WDR44: variants seen among roughly 807,000 people sequenced by gnomAD.
WDR44 encodes WD repeat-containing protein 44.
In WDR44, 9 loss-of-function variants were observed where a neutral mutation model predicts 65.7. The observed-to-expected ratio is 0.14, with a 90% confidence interval of 0.08 to 0.24. The LOEUF is 0.24. Among genes scored for constraint, WDR44 ranks in the 10% least tolerant of loss-of-function variants. The probability of loss-of-function intolerance (pLI) is 1.00; values close to 1 mark genes in which losing one functional copy is unlikely to be tolerated. For missense variants in WDR44, 425 were observed against 670.9 expected, an observed-to-expected ratio of 0.63 and a Z score of 4.05; for synonymous variants, 220 against 235.2, an observed-to-expected ratio of 0.94 and a Z score of 0.59.
At chrX:118,369,720 G>A (rs1468864343) in intron 1 of WDR44, among the ~76,000 whole-genome samples, 31 of 111,052 alleles carry the variant, frequency 2.8e-4, no homozygotes, top group African/African-American at 7.2e-4. Flanking sequence ...TGCCCGCCTC[G>A]GCCACCAAAG....
intron 12 of WDR44, among the ~76,000 whole-genome samples, chrX:118,418,139 C>T (rs751795287): frequency 9.0e-6 from 1 of 111,390 alleles, no homozygotes; most frequent in Non-Finnish European, 1.9e-5. Flanking sequence ...CTTTCTCTGG[C>T]GCCTCCCAGA....
At position 118,414,114 on chromosome X, in the gene WDR44, C is replaced by T. The variant is rs142024755; in HGVS notation, c.1737+3155C>T. 2.9e-3 allele frequency among the ~76,000 whole-genome samples: 317 copies of T among 110,571 alleles called. 2 individuals are homozygous for T. The highest frequency in any genetic ancestry group is 1.0e-2 in the African/African-American group (304 of 30,417). On this transcript the variant is annotated intron_variant, in intron 12 of 19. Coordinates refer to ENST00000254029, the MANE Select transcript of WDR44 (RefSeq NM_019045.5). The stretch of plus-strand genomic sequence containing the variant: ...TATAGTTTGAAATCAGTAAGTGTGA[C>T]GCCTCCGTATTTGTTCTTTTGCTTA...
chrX:118,446,960 C>G (rs2057351272), intron 19 of WDR44: 1 of 266,178 alleles, frequency 3.8e-6, no homozygotes, highest in Non-Finnish European at 7.1e-6. Context: ...ACGTTGAACT[C>G]CTGTGCTCAA....
At chrX:118,417,705 C>A (rs1448594838) in intron 12 of WDR44, among the ~76,000 whole-genome samples, 1 of 111,983 alleles carries the variant, frequency 8.9e-6, no homozygotes, top group Non-Finnish European at 1.9e-5. Context: ...GTTCTTTGTG[C>A]TTCTTGTATT....
At chrX:118,424,339 A>ATATATATGTATATATATG (rs1556124708) in intron 12 of WDR44, among the ~76,000 whole-genome samples, 2 of 85,309 alleles carry the variant, frequency 2.3e-5, no homozygotes, top group Non-Finnish European at 2.0e-5. Context: ...ATATATATAT[A>ATATATATGTATATATATG]TATATATATG....
intron 14 of WDR44, among the ~76,000 whole-genome samples, chrX:118,439,436 C>T (rs955411251): frequency 1.8e-5 from 2 of 108,917 alleles, no homozygotes; most frequent in Non-Finnish European, 3.8e-5. Flanking sequence ...ATTAGCCGGC[C>T]GTCGTGTTGC....
At chrX:118,384,409 TCC>T (rs959767415) in intron 2 of WDR44, among the ~76,000 whole-genome samples, 1 of 111,943 alleles carries the variant, frequency 8.9e-6, no homozygotes, top group African/African-American at 3.2e-5. Context: ...GATAATGTTT[TCC>T]CAGCACCATT....
intron 12 of WDR44, among the ~76,000 whole-genome samples, chrX:118,424,309 A>ATG (rs1294615975): frequency 1.2e-4 from 10 of 81,371 alleles, no homozygotes; most frequent in South Asian, 5.6e-4. Context: ...GTATATATAT[A>ATG]TATGTGTGTG....
intron 12 of WDR44, among the ~76,000 whole-genome samples, chrX:118,422,951 A>G (rs1419612504): frequency 9.0e-6 from 1 of 111,363 alleles, no homozygotes; most frequent in Non-Finnish European, 1.9e-5. Flanking sequence ...TTTAACCATT[A>G]TGCTCCAATA....
chrX:118,367,951 T>C lies in WDR44; in HGVS notation c.78-10468T>C, dbSNP rs187684342. 3.6e-3 allele frequency among the ~76,000 whole-genome samples: 401 copies of C among 111,816 alleles called. 2 individuals are homozygous for C. The highest frequency in any genetic ancestry group is 9.0e-3 in the African/African-American group (277 of 30,731). ...ATATGCTCACTTTGAATAACTGTTA[T>C]AGAAAAACCACAGTTGCTATATTGC... On this transcript the variant is annotated intron_variant, in intron 1 of 19. Coordinates refer to ENST00000254029, the MANE Select transcript of WDR44 (RefSeq NM_019045.5).
At chrX:118,436,212 G>A (rs1016974492) in intron 13 of WDR44, among the ~76,000 whole-genome samples, 2 of 112,036 alleles carry the variant, frequency 1.8e-5, no homozygotes, top group Non-Finnish European at 3.8e-5. Context: ...AGTGTGACAG[G>A]TGCACAATAA....
At chrX:118,423,902 G>T (rs2057126983) in intron 12 of WDR44, among the ~76,000 whole-genome samples, 1 of 111,621 alleles carries the variant, frequency 9.0e-6, no homozygotes, top group African/African-American at 3.3e-5. Context: ...ATGTCTTCCA[G>T]TTTCATTCAT....
chrX:118,379,972 A>G (rs1270681305), intron 2 of WDR44, among the ~76,000 whole-genome samples: 1 of 111,468 alleles, frequency 9.0e-6, no homozygotes, highest in Non-Finnish European at 1.9e-5. Context: ...AAAGCCATTT[A>G]GCGCTAAGAT....
At chrX:118,434,651 T>C (rs992857993) in intron 13 of WDR44, among the ~76,000 whole-genome samples, 7 of 111,370 alleles carry the variant, frequency 6.3e-5, no homozygotes, top group South Asian at 7.5e-4. Flanking sequence ...GCAGGAATGG[T>C]TCCTAAAGGT....
At chrX:118,396,566 C>T (rs2056867680) in intron 6 of WDR44, among the ~76,000 whole-genome samples, 1 of 111,936 alleles carries the variant, frequency 8.9e-6, no homozygotes, top group Admixed American at 9.5e-5. Context: ...CGACATAAAA[C>T]GCCATATATT....
At chrX:118,432,977 G>A (rs756125710) in intron 13 of WDR44, 83 bp downstream of exon 13, 9 of 896,403 alleles carry the variant, frequency 1.0e-5, no homozygotes, top group African/African-American at 4.0e-5. Context: ...TTTCTTCTCC[G>A]GGAAACCTCA....
chrX:118,397,593 A>G (rs1204847809), intron 7 of WDR44, among the ~76,000 whole-genome samples: 2 of 112,211 alleles, frequency 1.8e-5, no homozygotes, highest in Non-Finnish European at 3.8e-5. Flanking sequence ...TAAGGATCAT[A>G]AATTGTTTAA....
At position 118,394,035 on chromosome X, in the gene WDR44, T is replaced by C; in HGVS notation, c.827-20T>C. ...AAACAAAAAGGGTTGTTATTATTGTTGTTATTATTATCATTGCAGTTCCCA... is the reference window on the plus strand; with the variant it reads ...AAACAAAAAGGGTTGTTATTATTGTCGTTATTATTATCATTGCAGTTCCCA... On this transcript the variant is annotated intron_variant, in intron 4 of 19. Coordinates refer to ENST00000254029, the MANE Select transcript of WDR44 (RefSeq NM_019045.5). The C allele has an allele frequency of 8.4e-7, 1 of 1,193,756 alleles. No individual in the cohort carries two copies. The highest frequency in any genetic ancestry group is 1.1e-6 in the Non-Finnish European group (1 of 880,990).
At chrX:118,424,323 GTATA>G (rs1171699587) in intron 12 of WDR44, among the ~76,000 whole-genome samples, 87 of 65,543 alleles carry the variant, frequency 1.3e-3, no homozygotes, top group Non-Finnish European at 1.7e-3. Flanking sequence ...GTGTGTGTGT[GTATA>G]TATATATATA....
Sources: gnomAD v4.1 joint callset for allele counts (sites outside exome capture counted in the v4.1 genomes callset) on GRCh38, gnomAD v4.1.1 for gene constraint, MANE v1.5 for transcripts, NCBI Gene and HGNC (gene_info 2026-07-23, HGNC 2026-07-21) for gene names.